The following PRDM12 variants were observed in gnomAD, a reference collection of about 807,000 sequenced individuals.
The protein encoded by PRDM12 is PR/SET domain 12, also known as PR domain zinc finger protein 12.
A neutral mutation model predicts 29.6 loss-of-function variants in PRDM12; 17 were observed. The observed-to-expected ratio is 0.57, with a 90% CI of 0.39 to 0.86. The LOEUF is 0.86. PRDM12 is among the 40% of genes least tolerant of loss of function. The pLI is 0.00. For synonymous variants in PRDM12, 231 were observed against 225.8 expected, an observed-to-expected ratio of 1.02 and a Z score of -0.21; for missense variants, 422 against 510.8, an observed-to-expected ratio of 0.83 and a Z score of 1.68.
intron 4 of PRDM12, among the ~76,000 whole-genome samples, chr9:130,680,382 C>G (rs1830882636): frequency 6.6e-6 from 1 of 151,330 alleles, no homozygotes; most frequent in Admixed American, 6.6e-5. Flanking sequence ...TGGCTGTAAT[C>G]CCAGCACTTT....
At chr9:130,669,660 C>CA (rs1830769573) in intron 3 of PRDM12, among the ~76,000 whole-genome samples, 1 of 149,674 alleles carries the variant, frequency 6.7e-6, no homozygotes, top group Non-Finnish European at 1.5e-5. Context: ...CTAAAAAATA[C>CA]AAAAAATTAG....
Position 130,681,862 on chromosome 9 carries a change from C to A in PRDM12, c.*193C>A. 2.5e-6 allele frequency: 1 copy of A among 405,376 alleles called. No homozygotes were observed. Among genetic ancestry groups the A allele is most frequent in the Non-Finnish European group, 3.3e-6 (1 of 299,714 alleles). The allele number at this position is 405,376 out of a possible 1,614,324, so 25.1% of individuals were successfully genotyped here. Reference sequence around the variant, plus strand: ...GTGTCGCAGATGAGGACACTGAGGGCGGCGTCCCTCACCCAGGCCACGCAG... The same window carrying A: ...GTGTCGCAGATGAGGACACTGAGGGAGGCGTCCCTCACCCAGGCCACGCAG... On this transcript the variant is annotated 3_prime_UTR_variant, in exon 5 of 5. Transcript: ENST00000253008. The surrounding 1 kb of genome is among the most constrained non-coding windows in gnomAD (Gnocchi z 8.1).
rs1249355373 is a variant in PRDM12 at position 130,680,626 on chromosome 9, AAAAAAAAAATAT to A, written c.683-620_683-609del. Among the ~76,000 whole-genome samples, 14 of 65,488 alleles carry A rather than the reference AAAAAAAAAATAT, an allele frequency of 2.1e-4. 2 individuals carry two copies. The highest frequency in any genetic ancestry group is 1.1e-3 in the Admixed American group (7 of 6,138). The allele number at this position is 65,488 out of a possible 152,430, so 43.0% of individuals were successfully genotyped here. On this transcript the variant is annotated intron_variant, in intron 4 of 4. Coordinates refer to ENST00000253008, the MANE Select transcript of PRDM12 (RefSeq NM_021619.3). ...GGAGACAGAGGGAGACTCCGTCTAA[AAAAAAAAAATAT>A]ATATATATATATATATATATATTTT...
chr9:130,664,661 G>T lies in PRDM12; in HGVS notation c.8G>T (p.Gly3Val), dbSNP rs2132586397. Residue 3 changes from glycine to valine, a missense_variant, in exon 1 of 5, where the codon GGC (glycine) becomes GTC (valine). Transcript: ENST00000253008. This position sits in a 1 kb window ranked among gnomAD's most constrained non-coding sequence, Gnocchi z 6.4. MM[G>V]SVLPAEALVL... ...GGGAGCTCCGGGCCGCCCATGATGG[G>T]CTCCGTGCTCCCGGCTGAGGCCCTG... 1.9e-6 allele frequency: 3 copies of T among 1,591,852 alleles called. No homozygotes were observed. Among genetic ancestry groups the T allele is most frequent in the Non-Finnish European group, 2.6e-6 (3 of 1,173,418 alleles).
At chr9:130,672,426 C>T (rs767086912) in intron 3 of PRDM12, among the ~76,000 whole-genome samples, 5 of 152,160 alleles carry the variant, frequency 3.3e-5, no homozygotes, top group Non-Finnish European at 5.9e-5. Context: ...TGACCTCAAG[C>T]GATCTGCCCG....
chr9:130,674,965 C>T (rs796720411), intron 3 of PRDM12, among the ~76,000 whole-genome samples: 5 of 152,210 alleles, frequency 3.3e-5, no homozygotes, highest in South Asian at 2.1e-4. Flanking sequence ...CTGCAACCTC[C>T]GCCTCCCAAG....
intron 3 of PRDM12, among the ~76,000 whole-genome samples, chr9:130,674,771 C>G (rs1830826268): frequency 6.6e-6 from 1 of 152,084 alleles, no homozygotes; most frequent in South Asian, 2.1e-4. Flanking sequence ...ATGTCTGCAT[C>G]GCTGTTTTAA....
chr9:130,665,541 C>T (rs1200582625), intron 1 of PRDM12, among the ~76,000 whole-genome samples: 2 of 152,144 alleles, frequency 1.3e-5, no homozygotes, highest in African/African-American at 4.8e-5. Flanking sequence ...ATTCCACTTC[C>T]ATTCACGCTA....
Position 130,681,282 on chromosome 9 carries a change from C to A in PRDM12, c.717C>A (p.Pro239=). The part of the protein sequence containing the change: ...DFHPADSAAG[P]AGRMRCVICH... Reference sequence around the variant, plus strand: ...ACCCGGCGGACTCGGCGGCTGGCCCCGCGGGCCGCATGCGATGCGTCATCT... The same window carrying A: ...ACCCGGCGGACTCGGCGGCTGGCCCAGCGGGCCGCATGCGATGCGTCATCT... Residue 239 remains proline, a synonymous_variant, in exon 5 of 5, where the codon CCC becomes CCA. Coordinates refer to ENST00000253008, the MANE Select transcript of PRDM12 (RefSeq NM_021619.3). This position sits in a 1 kb window ranked among gnomAD's most constrained non-coding sequence, Gnocchi z 8.1. 1 of 1,492,436 alleles carries A rather than the reference C, an allele frequency of 6.7e-7. No homozygotes were observed. 92.4% of individuals were successfully genotyped at this position (1,492,436 alleles called of 1,614,324 possible).
chr9:130,673,008 T>G (rs1216860568), intron 3 of PRDM12, among the ~76,000 whole-genome samples: 1 of 152,198 alleles, frequency 6.6e-6, no homozygotes, highest in African/African-American at 2.4e-5. Flanking sequence ...GCGCTGGTAT[T>G]CCAGAGTTTT....
In PRDM12 at chr9:130,664,986, G is replaced by T; in HGVS notation, c.223+110G>T. 8.9e-7 allele frequency: 1 copy of T among 1,121,714 alleles called. No homozygotes were observed. The highest frequency in any genetic ancestry group is 1.6e-5 in the South Asian group (1 of 62,640). The allele number at this position is 1,121,714 out of a possible 1,614,324, so 69.5% of individuals were successfully genotyped here. ...GATACCCGGCCTCGCTGCTACTCGC[G>T]CCAACCTGGGCTCTCCCGGCGCTCG... On this transcript the variant is annotated intron_variant, in intron 1 of 4. Transcript: ENST00000253008. The surrounding 1 kb of genome is among the most constrained non-coding windows in gnomAD (Gnocchi z 6.4).
intron 3 of PRDM12, among the ~76,000 whole-genome samples, chr9:130,674,577 A>C (rs990140651): frequency 4.0e-5 from 6 of 151,518 alleles, no homozygotes; most frequent in Non-Finnish European, 8.8e-5. Flanking sequence ...AGTCAGAGGC[A>C]TGATGTAGAT....
At chr9:130,677,891 C>G (rs765595139) in intron 3 of PRDM12, among the ~76,000 whole-genome samples, 1 of 152,144 alleles carries the variant, frequency 6.6e-6, no homozygotes, top group African/African-American at 2.4e-5. Flanking sequence ...ACCTAGGACG[C>G]GGTGAACTGG....
rs1484358479 is a variant in PRDM12, at chr9:130,681,599, C to T, written c.1034C>T (p.Pro345Leu). The T allele has an allele frequency of 1.2e-5, 12 of 983,042 alleles. No individual in the cohort carries two copies. Among genetic ancestry groups the T allele is most frequent in the Non-Finnish European group, 1.4e-5 (12 of 831,722 alleles). 60.9% of individuals were successfully genotyped at this position (983,042 alleles called of 1,614,324 possible). Residue 345 changes from proline to leucine, a missense_variant, in exon 5 of 5, where the codon CCC becomes CTC. This residue lies in a region of PRDM12 where 66 missense variants were observed against 61.5 expected (regional missense o/e 1.07). Coordinates refer to ENST00000253008, the MANE Select transcript of PRDM12 (RefSeq NM_021619.3). This position sits in a 1 kb window ranked among gnomAD's most constrained non-coding sequence, Gnocchi z 8.1. ...PALPAPHAHA[P>L]ALAAAAAAAA... The stretch of plus-strand genomic sequence containing the variant: ...CTGCCCGCCCCGCACGCGCACGCGC[C>T]CGCGCTCGCCGCCGCCGCCGCCGCC...
chr9:130,673,789 A>G (rs1397933961), intron 3 of PRDM12, among the ~76,000 whole-genome samples: 1 of 147,624 alleles, frequency 6.8e-6, no homozygotes, highest in Non-Finnish European at 1.5e-5. Flanking sequence ...CTCCTGCCTC[A>G]GCCTCCTGCG....
chr9:130,669,805 G>A (rs1290763470), intron 3 of PRDM12, among the ~76,000 whole-genome samples: 1 of 119,628 alleles, frequency 8.4e-6, no homozygotes, highest in Non-Finnish European at 1.6e-5. Flanking sequence ...GACAGAGTGA[G>A]ACTCCATCTC....
In PRDM12 at chr9:130,664,746, C is replaced by T. The variant is rs766639660; in HGVS notation, c.93C>T (p.Asp31=). The T allele has an allele frequency of 2.2e-5, 35 of 1,610,804 alleles. No individual in the cohort carries two copies. Among genetic ancestry groups the T allele is most frequent in the Admixed American group, 8.3e-5 (5 of 59,974 alleles). The change falls in exon 1 of 5, where the codon GAC becomes GAT. Residue 31 remains aspartate (D), a synonymous_variant. Coordinates refer to ENST00000253008, the MANE Select transcript of PRDM12 (RefSeq NM_021619.3). This position sits in a 1 kb window ranked among gnomAD's most constrained non-coding sequence, Gnocchi z 6.4. ...GLALAEVITS[D]ILHSFLYGRW... Reference sequence around the variant, plus strand: ...CGCTGGCCGAGGTTATCACCTCCGACATCCTGCACAGCTTCCTGTACGGCC... The same window carrying T: ...CGCTGGCCGAGGTTATCACCTCCGATATCCTGCACAGCTTCCTGTACGGCC...
intron 4 of PRDM12, among the ~76,000 whole-genome samples, chr9:130,679,527 T>C (rs1830875019): frequency 6.6e-6 from 1 of 151,952 alleles, no homozygotes; most frequent in South Asian, 2.1e-4. Flanking sequence ...GAGATGGGGT[T>C]TTGTTATGTT....
intron 3 of PRDM12, among the ~76,000 whole-genome samples, chr9:130,676,333 A>G (rs1325500931): frequency 6.6e-6 from 1 of 152,076 alleles, no homozygotes; most frequent in Non-Finnish European, 1.5e-5. Context: ...TACTAAAAAT[A>G]CAAAAAATTA....
Sources: allele counts gnomAD v4.1 joint callset (sites outside exome capture counted in the v4.1 genomes callset), GRCh38; gene constraint gnomAD v4.1.1; regional missense constraint gnomAD v4.1.1; non-coding constraint Gnocchi (gnomAD v3.1); transcripts MANE v1.5; gene names NCBI Gene and HGNC (gene_info 2026-07-23, HGNC 2026-07-21).